The following SKA2 variants were observed in gnomAD, a reference collection of about 807,000 sequenced individuals.
SKA2 encodes the protein spindle and kinetochore associated complex subunit 2.
A neutral mutation model predicts 16.9 loss-of-function variants in SKA2; 13 were observed. That is an observed-to-expected ratio of 0.77 (90% CI 0.50 to 1.22). SKA2 has a LOEUF of 1.22. Ranked by LOEUF, SKA2 falls within the 50% of genes most tolerant of loss-of-function variation. SKA2 has a pLI of 0.00. For synonymous variants in SKA2, 47 were observed against 48.5 expected (o/e 0.97, Z 0.13); for missense variants, 107 against 139.7 (o/e 0.77, Z 1.18).
chr17:59,112,513 T>C (rs1218136746), intron 3 of SKA2, among the ~76,000 whole-genome samples, 168 bp from the exon 4 acceptor site: 1 of 152,232 alleles, frequency 6.6e-6, no homozygotes, highest in East Asian at 1.9e-4. Flanking sequence ...GCTATTTATA[T>C]ACAAGGTCCT....
chr17:59,127,498 C>G (rs1187742742), intron 2 of SKA2, among the ~76,000 whole-genome samples: 1 of 152,136 alleles, frequency 6.6e-6, no homozygotes, highest in Non-Finnish European at 1.5e-5. Context: ...AAGCAATTCT[C>G]CTATCTCAGC....
intron 1 of SKA2, among the ~76,000 whole-genome samples, chr17:59,153,514 G>A (rs527864525): frequency 1.2e-4 from 18 of 152,170 alleles, no homozygotes; most frequent in African/African-American, 4.1e-4. Context: ...ATTTGTATAT[G>A]AGAGGCACTC....
At chr17:59,154,187 A>G (rs1387152802) in intron 1 of SKA2, among the ~76,000 whole-genome samples, 1 of 150,562 alleles carries the variant, frequency 6.6e-6, no homozygotes, top group Non-Finnish European at 1.5e-5. Context: ...AAAAAAAAAA[A>G]GAAAAGAAAA....
At position 59,112,006 on chromosome 17, in the gene SKA2, A is replaced by C. The variant is rs2046266501; in HGVS notation, c.*271T>G. 3.1e-6 allele frequency: 1 copy of C among 321,378 alleles called. No homozygotes were observed. The highest frequency in any genetic ancestry group is 5.9e-6 in the Non-Finnish European group (1 of 168,802). The allele number at this position is 321,378 out of a possible 1,614,324, so 19.9% of individuals were successfully genotyped here. A position where few individuals can be genotyped will look rare whatever the true frequency, so the allele number is the denominator to read the frequency against. On this transcript the variant is annotated 3_prime_UTR_variant, in exon 4 of 4. Coordinates refer to ENST00000330137, the MANE Select transcript of SKA2 (RefSeq NM_182620.4). Reference sequence around the variant, plus strand: ...TAGTGTTGAGAATTTCTGGCCTGAAATTACAAGACTAAGTGTGTGTGTGCA... The same window carrying C: ...TAGTGTTGAGAATTTCTGGCCTGAACTTACAAGACTAAGTGTGTGTGTGCA...
intron 2 of SKA2, among the ~76,000 whole-genome samples, chr17:59,127,150 T>C (rs1178478288): frequency 6.6e-6 from 1 of 152,086 alleles, no homozygotes; most frequent in Non-Finnish European, 1.5e-5. Flanking sequence ...AGTTACAATG[T>C]GGGGAGATGA....
At chr17:59,147,044 G>T (rs1467805767) in intron 1 of SKA2, among the ~76,000 whole-genome samples, 1 of 151,746 alleles carries the variant, frequency 6.6e-6, no homozygotes, top group Admixed American at 6.6e-5. Flanking sequence ...TGTAACCCCA[G>T]CTACTAGGGA....
intron 2 of SKA2, among the ~76,000 whole-genome samples, chr17:59,127,832 A>G (rs1599665719): frequency 6.6e-6 from 1 of 152,332 alleles, no homozygotes; most frequent in East Asian, 1.9e-4. Context: ...ATGAAAACAC[A>G]TGTCCACACA....
At chr17:59,139,161 G>C (rs1271620299) in intron 1 of SKA2, among the ~76,000 whole-genome samples, 2 of 152,080 alleles carry the variant, frequency 1.3e-5, no homozygotes, top group African/African-American at 2.4e-5. Flanking sequence ...ACTTTGGGAG[G>C]CTGAGGCGGG....
At chr17:59,142,948 A>AAGAG (rs1475905479) in intron 1 of SKA2, among the ~76,000 whole-genome samples, 1 of 149,638 alleles carries the variant, frequency 6.7e-6, no homozygotes, top group African/African-American at 2.5e-5. Context: ...AAAAAAAAAA[A>AAGAG]AGAGAGAGAG....
intron 1 of SKA2, among the ~76,000 whole-genome samples, chr17:59,138,054 A>C (rs2046459558): frequency 6.6e-6 from 1 of 152,160 alleles, no homozygotes; most frequent in African/African-American, 2.4e-5. Flanking sequence ...TTTAGGGGCA[A>C]TGGAATATTT....
chr17:59,119,666 T>C (rs977377269), intron 2 of SKA2, among the ~76,000 whole-genome samples, 171 bp from the exon 3 acceptor site: 1 of 152,154 alleles, frequency 6.6e-6, no homozygotes, highest in Non-Finnish European at 1.5e-5. Context: ...GAGAGAAAAG[T>C]ATAAGACCTA....
intron 2 of SKA2, chr17:59,124,261 C>A (rs2046356220): frequency 6.6e-6 from 1 of 151,974 alleles, no homozygotes; most frequent in Non-Finnish European, 1.5e-5. Context: ...AAAACCCCAT[C>A]CTTACTAAAA....
intron 1 of SKA2, chr17:59,151,315 A>G (rs901650015): frequency 1.5e-4 from 63 of 418,316 alleles, no homozygotes; most frequent in South Asian, 8.8e-4. Context: ...GGACAGAAAA[A>G]CATCCAAAAC....
chr17:59,148,300 GCA>G (rs1214414504), intron 1 of SKA2, among the ~76,000 whole-genome samples: 1 of 152,096 alleles, frequency 6.6e-6, no homozygotes, highest in East Asian at 1.9e-4. Context: ...TCTCTATCCG[GCA>G]CAGTGGTTCA....
chr17:59,140,777 AT>A (rs34547204), intron 1 of SKA2, among the ~76,000 whole-genome samples: 12,206 of 129,838 alleles, frequency 0.094, 685 homozygotes, highest in South Asian at 0.25. Context: ...CACCCGCCTA[AT>A]TTTTTTTTTT....
chr17:59,141,346 G>A (rs1451469043), intron 1 of SKA2, among the ~76,000 whole-genome samples: 3 of 151,940 alleles, frequency 2.0e-5, no homozygotes, highest in African/African-American at 2.4e-5. Context: ...GCAATGAGCC[G>A]AGATCGCACC....
chr17:59,154,634 CCTTT>C (rs1378331685), intron 1 of SKA2, among the ~76,000 whole-genome samples: 1 of 152,228 alleles, frequency 6.6e-6, no homozygotes, highest in Non-Finnish European at 1.5e-5. Flanking sequence ...AGTCTAGCAT[CCTTT>C]CTCAGACTTT....
intron 1 of SKA2, among the ~76,000 whole-genome samples, chr17:59,153,592 G>T (rs934164766): frequency 1.3e-5 from 2 of 152,076 alleles, no homozygotes; most frequent in South Asian, 2.1e-4. Flanking sequence ...GTGGGAATGG[G>T]GGGTGGGTGA....
At chr17:59,115,272 G>T (rs2147792146) in intron 3 of SKA2, among the ~76,000 whole-genome samples, 1 of 151,948 alleles carries the variant, frequency 6.6e-6, no homozygotes, top group Middle Eastern at 3.4e-3. Flanking sequence ...TGGCCAGGCT[G>T]GTCTGGAACT....
Sources: gnomAD v4.1 joint callset for allele counts (sites outside exome capture counted in the v4.1 genomes callset) on GRCh38, gnomAD v4.1.1 for gene constraint, MANE v1.5 for transcripts, NCBI Gene and HGNC (gene_info 2026-07-23, HGNC 2026-07-21) for gene names.